REV3L: variants seen among roughly 807,000 people sequenced by gnomAD.
REV3L encodes the protein REV3 like, DNA directed polymerase zeta catalytic subunit.
Under a neutral mutation model 299.4 loss-of-function variants are expected in REV3L, and 69 were observed. The ratio of observed to expected loss-of-function variants is 0.23; its 90% CI spans 0.19 to 0.28. The LOEUF (loss-of-function observed/expected upper bound fraction) is 0.28. Among genes scored for constraint, REV3L ranks in the 10% least tolerant of loss-of-function variants. The probability of loss-of-function intolerance (pLI) is 1.00; values close to 1 mark genes in which losing one functional copy is unlikely to be tolerated. For synonymous variants in REV3L, 1,238 were observed against 1,271.4 expected (o/e 0.97, Z 0.56); for missense variants, 3,128 against 3,693.8 (o/e 0.85, Z 3.97).
At chr6:111,313,845 A>G (rs1773242517) in intron 27 of REV3L, among the ~76,000 whole-genome samples, 1 of 152,076 alleles carries the variant, frequency 6.6e-6, no homozygotes, top group African/African-American at 2.4e-5. Context: ...AATTCCATAC[A>G]TGCCATTTTC....
chr6:111,319,364 G>C (rs1206956889), intron 26 of REV3L, among the ~76,000 whole-genome samples: 1 of 152,128 alleles, frequency 6.6e-6, no homozygotes, highest in African/African-American at 2.4e-5. Flanking sequence ...AGGAGGCTGA[G>C]GCAGGAGAAT....
rs747401833 is a variant in REV3L, at chr6:111,358,843, C to T, written c.7051G>A (p.Asp2351Asn). 1 of 1,611,778 alleles carries T rather than the reference C, an allele frequency of 6.2e-7. No homozygotes were observed. The highest frequency in any genetic ancestry group is 1.1e-5 in the South Asian group (1 of 90,660). Residue 2351 changes from aspartate to asparagine, a missense_variant, in exon 17 of 32, where the codon GAC becomes AAC. This residue lies in a region of REV3L where 82 missense variants were observed against 142.7 expected (regional missense o/e 0.57). Coordinates refer to ENST00000368802, the MANE Select transcript of REV3L (RefSeq NM_001372078.1). ...ATACCTTGACTGAAAACTGTCTTGT[C>T]TTTATCAATCACTATTACACCTGTG... is the stretch of plus-strand genomic sequence containing the variant. ...ELTGVIVIDK[D>N]KTVFSQDIRY...
chr6:111,333,017 G>C, intron 23 of REV3L, 106 bp downstream of exon 23: 1 of 1,304,460 alleles, frequency 7.7e-7, no homozygotes, highest in South Asian at 1.4e-5. Context: ...CATTTATCTT[G>C]CTCATAGGGA....
At chr6:111,419,521 A>G (rs1462337830) in intron 1 of REV3L, among the ~76,000 whole-genome samples, 2 of 152,212 alleles carry the variant, frequency 1.3e-5, no homozygotes, top group Non-Finnish European at 2.9e-5. Context: ...ACAGAGCTGT[A>G]AAGTCTTTAG....
At chr6:111,457,357 CA>C (rs1790269744) in intron 1 of REV3L, among the ~76,000 whole-genome samples, 1 of 151,768 alleles carries the variant, frequency 6.6e-6, no homozygotes, top group South Asian at 2.1e-4. Flanking sequence ...AAACTAAAAA[CA>C]TAGCTTAGTT....
At chr6:111,361,843 A>G (rs1345271156) in intron 16 of REV3L, among the ~76,000 whole-genome samples, 1 of 152,164 alleles carries the variant, frequency 6.6e-6, no homozygotes, top group Non-Finnish European at 1.5e-5. Context: ...TCCCTGTTTC[A>G]ACCACCGGGC....
At chr6:111,419,143 C>A (rs981699817) in intron 1 of REV3L, among the ~76,000 whole-genome samples, 11 of 152,150 alleles carry the variant, frequency 7.2e-5, no homozygotes, top group African/African-American at 2.7e-4. Context: ...CACAGACGTA[C>A]CTCTCTCTCC....
intron 1 of REV3L, among the ~76,000 whole-genome samples, chr6:111,462,868 C>G (rs1790967812): frequency 6.6e-6 from 1 of 151,842 alleles, no homozygotes; most frequent in Admixed American, 6.6e-5. Flanking sequence ...GTACAACACC[C>G]CGTTAGGCCT....
intron 26 of REV3L, among the ~76,000 whole-genome samples, chr6:111,318,569 A>AT (rs966303250): frequency 1.6e-4 from 25 of 151,842 alleles, no homozygotes; most frequent in Non-Finnish European, 3.1e-4. Flanking sequence ...TGAATGCAAC[A>AT]TTTTTTTTGT....
intron 23 of REV3L, among the ~76,000 whole-genome samples, 165 bp downstream of exon 23, chr6:111,332,958 T>C (rs1258661076): frequency 1.3e-5 from 2 of 152,240 alleles, no homozygotes; most frequent in Non-Finnish European, 2.9e-5. Flanking sequence ...TGGTGATCCA[T>C]GTCAATTGGT....
chr6:111,373,142 T>C lies in REV3L; in HGVS notation c.5213A>G (p.Asn1738Ser). The change falls in exon 13 of 32, where the codon AAT becomes AGT. Residue 1738 changes from asparagine (N) to serine (S), a missense_variant. This residue lies in a region of REV3L where 2,409 missense variants were observed against 2,611.8 expected (regional missense o/e 0.92). Transcript: ENST00000368802. The stretch of plus-strand genomic sequence containing the variant: ...ATTTTTCCACTGGTTGTGGCGACGA[T>C]TCTCATTGCTATCTATGGTTGACTT... ...FEKSTIDSNE[N>S]RRHNQWKNSF... The C allele has an allele frequency of 6.2e-7, 1 of 1,614,170 alleles. No homozygotes were observed. The highest frequency in any genetic ancestry group is 8.5e-7 in the Non-Finnish European group (1 of 1,180,000).
intron 21 of REV3L, among the ~76,000 whole-genome samples, chr6:111,340,503 T>TA (rs989995964): frequency 5.3e-5 from 8 of 151,814 alleles, no homozygotes; most frequent in Admixed American, 1.3e-4. Context: ...CTGGGTTTAT[T>TA]AAAAAAAATT....
At position 111,375,179 on chromosome 6, in the gene REV3L, G is replaced by A; in HGVS notation, c.3176C>T (p.Thr1059Ile). The A allele has an allele frequency of 1.2e-6, 2 of 1,609,188 alleles. No homozygotes were observed. The highest frequency in any genetic ancestry group is 2.7e-5 in the African/African-American group (2 of 74,590). ...ATTATTTGTCCTTTGTTGTTTACCA[G>A]TTTTTTTCTTAGCAGATTTATGTTT... Reference protein sequence around the residue: ...KSKHKSAKKKTGKQQRTNNEN... With the variant: ...KSKHKSAKKKIGKQQRTNNEN... Residue 1059 changes from threonine (T) to isoleucine (I), a missense_variant, in exon 13 of 32, where the codon ACT becomes ATT. Transcript: ENST00000368802.
At chr6:111,482,451 C>G (rs1793853281) in intron 1 of REV3L, among the ~76,000 whole-genome samples, 1 of 152,110 alleles carries the variant, frequency 6.6e-6, no homozygotes, top group African/African-American at 2.4e-5. Context: ...TTCGCTCTCC[C>G]GGCCCGCGCC....
chr6:111,431,128 GAC>G, intron 1 of REV3L: 2 of 1,518,326 alleles, frequency 1.3e-6, no homozygotes, highest in Admixed American at 1.7e-5. Context: ...CTATGGGGAA[GAC>G]ACAGATCTTC....
Position 111,367,794 on chromosome 6 carries a change from T to A in REV3L, c.5994A>T (p.Lys1998Asn). 1.2e-6 allele frequency: 2 copies of A among 1,614,166 alleles called. No homozygotes were observed. Among genetic ancestry groups the A allele is most frequent in the South Asian group, 2.2e-5 (2 of 91,086 alleles). Residue 1998 changes from lysine to asparagine, a missense_variant, in exon 14 of 32, where the codon AAA becomes AAT. Physicochemically the swap from Lys to Asn is moderately conservative, Grantham distance 94 (BLOSUM62 0). Coordinates refer to ENST00000368802, the MANE Select transcript of REV3L (RefSeq NM_001372078.1). ...GAACCAGTTGTCGACTTGGGGCACA[T>A]TTGCAAGGCATAATCACAATTTTTT... ...EDKKIVIMPC[K>N]CAPSRQLVQV...
chr6:111,462,756 A>T (rs1321955462), intron 1 of REV3L, among the ~76,000 whole-genome samples: 1 of 152,198 alleles, frequency 6.6e-6, no homozygotes, highest in African/African-American at 2.4e-5. Context: ...TACTTAGTAG[A>T]GATGTGCTCA....
Position 111,375,017 on chromosome 6 carries a change from A to T in REV3L, c.3338T>A (p.Leu1113His), listed in dbSNP as rs748344542. The T allele has an allele frequency of 1.9e-6, 3 of 1,613,632 alleles. No homozygotes were observed. The highest frequency in any genetic ancestry group is 2.5e-6 in the Non-Finnish European group (3 of 1,179,826). The part of the protein sequence containing the change: ...YSDVMSKLGF[L>H]SERSTSPINS... ...TATGGGACTTGTGCTTCTCTCAGAA[A>T]GAAAACCTAGTTTAGACATAACATC... is the stretch of plus-strand genomic sequence containing the variant. The change falls in exon 13 of 32, where the codon CTT (leucine) becomes CAT (histidine). Residue 1113 changes from leucine to histidine, a missense_variant. By Grantham distance (99) the Leu-to-His change is moderately conservative. Coordinates refer to ENST00000368802, the MANE Select transcript of REV3L (RefSeq NM_001372078.1).
chr6:111,332,915 G>A (rs1775540931), intron 23 of REV3L, among the ~76,000 whole-genome samples: 1 of 152,210 alleles, frequency 6.6e-6, no homozygotes, highest in South Asian at 2.1e-4. Context: ...TCCTCTTCAT[G>A]AGTCATCCAT....
Sources: allele counts gnomAD v4.1 joint callset (sites outside exome capture counted in the v4.1 genomes callset), GRCh38; gene constraint gnomAD v4.1.1; regional missense constraint gnomAD v4.1.1; transcripts MANE v1.5; gene names NCBI Gene and HGNC (gene_info 2026-07-23, HGNC 2026-07-21).